The following SAMD5 variants were observed in gnomAD, a reference collection of about 807,000 sequenced individuals.
SAMD5 encodes the protein sterile alpha motif domain containing 5, also known as sterile alpha motif domain-containing protein 5.
A neutral mutation model predicts 11.3 loss-of-function variants in SAMD5; 13 were observed. That is an observed-to-expected ratio of 1.15 (90% CI 0.75 to 1.83). SAMD5 has a LOEUF of 1.83. Ranked by LOEUF, SAMD5 falls within the 40% of genes most tolerant of loss-of-function variation. SAMD5 has a pLI of 0.00. For synonymous variants in SAMD5, 129 were observed against 111.3 expected (o/e 1.16, Z -1.00); for missense variants, 255 against 239.1 (o/e 1.07, Z -0.44).
intron 1 of SAMD5, among the ~76,000 whole-genome samples, chr6:147,588,533 C>T (rs1789407777): frequency 6.6e-6 from 1 of 151,870 alleles, no homozygotes; most frequent in African/African-American, 2.4e-5. Context: ...ATCATGTTGG[C>T]CAGGCTGGTC....
chr6:147,662,646 G>T (rs1454324443), intron 1 of SAMD5, among the ~76,000 whole-genome samples: 1 of 152,172 alleles, frequency 6.6e-6, no homozygotes, highest in East Asian at 1.9e-4. Flanking sequence ...CCCTCACTTA[G>T]ATTCTTTATC....
At chr6:147,928,842 AG>A in the SAMD5 span, among the ~76,000 whole-genome samples, 1 of 152,190 alleles carries the variant, frequency 6.6e-6, no homozygotes, top group Admixed American at 6.5e-5. Flanking sequence ...GCTGTGTCCC[AG>A]AAATTCTGGT....
chr6:147,578,665 C>T (rs1789252088), intron 1 of SAMD5, among the ~76,000 whole-genome samples: 1 of 151,948 alleles, frequency 6.6e-6, no homozygotes, highest in African/African-American at 2.4e-5. Context: ...ATGTTAGGTA[C>T]TAAAATGCCT....
chr6:147,755,918 TGC>T, the SAMD5 span, among the ~76,000 whole-genome samples: 1 of 152,180 alleles, frequency 6.6e-6, no homozygotes, highest in Non-Finnish European at 1.5e-5. Flanking sequence ...CACAAATGAA[TGC>T]TTTTCATTTC....
intron 1 of SAMD5, among the ~76,000 whole-genome samples, chr6:147,558,422 G>A (rs1328957636): frequency 2.6e-5 from 4 of 152,158 alleles, no homozygotes; most frequent in Non-Finnish European, 5.9e-5. Flanking sequence ...GTAATTATAA[G>A]GCCTGTGTCT....
At chr6:147,543,137 A>G (rs1217889113) in intron 1 of SAMD5, among the ~76,000 whole-genome samples, 2 of 152,164 alleles carry the variant, frequency 1.3e-5, no homozygotes, top group Non-Finnish European at 2.9e-5. Flanking sequence ...TTTTTAAGCC[A>G]CTGAACCTAT....
chr6:147,759,119 G>A, the SAMD5 span, among the ~76,000 whole-genome samples: 1 of 152,160 alleles, frequency 6.6e-6, no homozygotes, highest in Non-Finnish European at 1.5e-5. Flanking sequence ...GTTGTGTTCT[G>A]TTTACATATG....
chr6:147,952,687 A>G, the SAMD5 span, among the ~76,000 whole-genome samples: 1 of 151,962 alleles, frequency 6.6e-6, no homozygotes, highest in Non-Finnish European at 1.5e-5. Context: ...TTTTTTTTGT[A>G]CTTTTTGTAG....
downstream of SAMD5, among the ~76,000 whole-genome samples, chr6:147,574,274 G>C (rs571584510): frequency 5.9e-5 from 9 of 152,194 alleles, no homozygotes; most frequent in South Asian, 1.0e-3. Context: ...TTAATCTTAA[G>C]ATTATTCTCA....
At chr6:147,783,769 G>T in the SAMD5 span, among the ~76,000 whole-genome samples, 1 of 152,154 alleles carries the variant, frequency 6.6e-6, no homozygotes, top group Non-Finnish European at 1.5e-5. Flanking sequence ...TAATTACCAG[G>T]AATGTGTTTT....
intron 1 of SAMD5, chr6:147,692,376 A>G (rs1404407428): frequency 1.3e-5 from 2 of 152,348 alleles, no homozygotes; most frequent in African/African-American, 4.8e-5. Flanking sequence ...AATTCCCTGT[A>G]GAATGTATTT....
chr6:147,719,395 C>A (rs1791515399), intron 1 of SAMD5, among the ~76,000 whole-genome samples: 1 of 152,142 alleles, frequency 6.6e-6, no homozygotes, highest in Non-Finnish European at 1.5e-5. Flanking sequence ...CTGATTCATT[C>A]TGTTGAGGGC....
the SAMD5 span, among the ~76,000 whole-genome samples, chr6:147,877,308 T>C: frequency 6.6e-6 from 1 of 152,298 alleles, no homozygotes; most frequent in African/African-American, 2.4e-5. Flanking sequence ...AATGAAATCC[T>C]GTAATCAAAG....
the SAMD5 span, among the ~76,000 whole-genome samples, chr6:147,876,392 A>G: frequency 1.3e-5 from 2 of 152,176 alleles, no homozygotes; most frequent in Non-Finnish European, 2.9e-5. Flanking sequence ...AGCACTTACT[A>G]AAAATGGTGG....
chr6:147,888,425 G>C, the SAMD5 span, among the ~76,000 whole-genome samples: 1 of 152,042 alleles, frequency 6.6e-6, no homozygotes, highest in Non-Finnish European at 1.5e-5. Flanking sequence ...ACTGGGAAAA[G>C]GGCTGCATTT....
At chr6:147,585,218 G>A (rs946438125) in intron 1 of SAMD5, among the ~76,000 whole-genome samples, 20 of 152,116 alleles carry the variant, frequency 1.3e-4, no homozygotes, top group African/African-American at 4.8e-4. Context: ...TTCTGGAGAG[G>A]GGTGGAAGCG....
chr6:147,703,441 T>A (rs1002040627), intron 1 of SAMD5, among the ~76,000 whole-genome samples: 1 of 152,218 alleles, frequency 6.6e-6, no homozygotes, highest in African/African-American at 2.4e-5. Flanking sequence ...TGGTCCCTAT[T>A]GTTTGCAGAG....
chr6:147,789,278 AACAC>A, the SAMD5 span, among the ~76,000 whole-genome samples: 2,327 of 141,148 alleles, frequency 0.016, 34 homozygotes, highest in African/African-American at 0.037. Context: ...TCTCTAGAAA[AACAC>A]ACACACACAC....
At chr6:147,535,238 A>G (rs1164600480) in intron 1 of SAMD5, among the ~76,000 whole-genome samples, 4 of 152,182 alleles carry the variant, frequency 2.6e-5, no homozygotes, top group Non-Finnish European at 5.9e-5. Context: ...TAATTGTGTG[A>G]GCGTGCTCAT....
Sources: allele counts gnomAD v4.1 joint callset (sites outside exome capture counted in the v4.1 genomes callset), GRCh38; gene constraint gnomAD v4.1.1; transcripts MANE v1.5; gene names NCBI Gene and HGNC (gene_info 2026-07-23, HGNC 2026-07-21).